The following ARHGEF3 variants were observed in gnomAD, a reference collection of about 807,000 sequenced individuals.
ARHGEF3 encodes 59.8 kDA protein.
In ARHGEF3, 28 loss-of-function variants were observed where a neutral mutation model predicts 63.2. The ratio of observed to expected loss-of-function variants is 0.44; its 90% CI spans 0.33 to 0.61. The LOEUF is 0.61. Ranked by LOEUF, ARHGEF3 falls within the 20% of genes least tolerant of loss-of-function variation. ARHGEF3 has a pLI of 0.03. For synonymous variants in ARHGEF3, 266 were observed against 254.2 expected (o/e 1.05, Z -0.44); for missense variants, 533 against 659.3 (o/e 0.81, Z 2.10).
At chr3:56,873,431 A>C (rs1374034517) in intron 4 of ARHGEF3, among the ~76,000 whole-genome samples, 1 of 151,810 alleles carries the variant, frequency 6.6e-6, no homozygotes, top group Non-Finnish European at 1.5e-5. Context: ...GTTCCCCTCT[A>C]TGTGTCCATG....
chr3:56,835,471 C>G (rs1218757719), intron 4 of ARHGEF3, among the ~76,000 whole-genome samples: 1 of 152,124 alleles, frequency 6.6e-6, no homozygotes, highest in Non-Finnish European at 1.5e-5. Context: ...CCACCATGCC[C>G]AGCCTAACAT....
At chr3:57,028,722 A>T (rs950202331) in intron 2 of ARHGEF3, among the ~76,000 whole-genome samples, 38 of 140,518 alleles carry the variant, frequency 2.7e-4, no homozygotes, top group African/African-American at 1.0e-3. Flanking sequence ...AAATAAAAAA[A>T]AAAGAACCCT....
intron 1 of ARHGEF3, among the ~76,000 whole-genome samples, chr3:57,048,919 G>A (rs534213631): frequency 3.3e-5 from 5 of 152,306 alleles, no homozygotes; most frequent in African/African-American, 7.2e-5. Flanking sequence ...GGCTGAGGAC[G>A]AGGATGTCAG....
Position 56,930,581 on chromosome 3 carries a change from A to G in ARHGEF3, c.129+28242T>C, listed in dbSNP as rs28497152. 5.2e-3 allele frequency among the ~76,000 whole-genome samples: 788 copies of G among 152,324 alleles called. 11 individuals carry two copies. The highest frequency in any genetic ancestry group is 0.018 in the African/African-American group (736 of 41,560). On this transcript the variant is annotated intron_variant, in intron 3 of 12. Coordinates refer to the ARHGEF3 transcript ENST00000338458. ...GATACTTGCATTGTCTTTGCCTCAA[A>G]GTAAGGATTCTTTCCTAATCTTGTT...
chr3:57,030,378 T>C (rs900465642), intron 2 of ARHGEF3, among the ~76,000 whole-genome samples: 5 of 152,044 alleles, frequency 3.3e-5, no homozygotes, highest in Admixed American at 1.3e-4. Flanking sequence ...AAGAGACATA[T>C]ATGTATATAA....
chr3:56,739,496 G>A (rs1234907163), intron 7 of ARHGEF3, among the ~76,000 whole-genome samples: 3 of 150,652 alleles, frequency 2.0e-5, no homozygotes, highest in Admixed American at 2.0e-4. Context: ...TGCCTCTTGG[G>A]CTCAAGTGAT....
chr3:57,046,136 G>C (rs889455265), intron 1 of ARHGEF3, among the ~76,000 whole-genome samples: 6 of 152,150 alleles, frequency 3.9e-5, no homozygotes, highest in Non-Finnish European at 4.4e-5. Context: ...AATCTATGAG[G>C]CTCTAGTTAA....
At chr3:56,767,527 T>TG (rs1434041945) in intron 2 of ARHGEF3, among the ~76,000 whole-genome samples, 1 of 131,820 alleles carries the variant, frequency 7.6e-6, no homozygotes, top group Non-Finnish European at 1.5e-5. Flanking sequence ...GAGCTTGCAG[T>TG]GAGCTGAGAT....
intron 1 of ARHGEF3, among the ~76,000 whole-genome samples, chr3:57,042,210 T>C (rs965390311): frequency 5.3e-5 from 8 of 152,074 alleles, no homozygotes; most frequent in African/African-American, 1.9e-4. Flanking sequence ...ACATACCCTA[T>C]GAAAAACAAC....
chr3:57,003,005 G>A (rs1023851939), intron 2 of ARHGEF3, among the ~76,000 whole-genome samples: 1 of 151,402 alleles, frequency 6.6e-6, no homozygotes, highest in African/African-American at 2.4e-5. Context: ...CTGACCTCAG[G>A]TGATCCCACC....
chr3:56,931,998 C>T (rs544369450), intron 3 of ARHGEF3, among the ~76,000 whole-genome samples: 8 of 152,226 alleles, frequency 5.3e-5, no homozygotes, highest in African/African-American at 1.9e-4. Context: ...GACAAAATTC[C>T]TCCAAGTTCA....
intron 2 of ARHGEF3, among the ~76,000 whole-genome samples, chr3:56,985,803 C>G (rs927349669): frequency 7.4e-6 from 1 of 135,618 alleles, no homozygotes; most frequent in African/African-American, 2.6e-5. Context: ...CAGACTCTAA[C>G]AAATGAGGAT....
intron 1 of ARHGEF3, among the ~76,000 whole-genome samples, chr3:56,783,898 C>T (rs192670283): frequency 9.9e-4 from 150 of 152,270 alleles, no homozygotes; most frequent in African/African-American, 3.3e-3. Context: ...ATAAACAGCC[C>T]TAAAACATTG....
intron 2 of ARHGEF3, among the ~76,000 whole-genome samples, chr3:57,012,584 C>T (rs986137415): frequency 6.6e-6 from 1 of 152,210 alleles, no homozygotes; most frequent in African/African-American, 2.4e-5. Context: ...TCAATTTAAT[C>T]CTCACAACTG....
At chr3:56,874,924 A>G (rs973098114) in intron 4 of ARHGEF3, among the ~76,000 whole-genome samples, 1 of 152,150 alleles carries the variant, frequency 6.6e-6, no homozygotes, top group Non-Finnish European at 1.5e-5. Context: ...GGACCGTACC[A>G]CTGTGAGAAT....
At chr3:56,926,659 G>A (rs1429635851) in intron 3 of ARHGEF3, among the ~76,000 whole-genome samples, 3 of 152,182 alleles carry the variant, frequency 2.0e-5, no homozygotes, top group Non-Finnish European at 2.9e-5. Context: ...ATTACACAGA[G>A]CTCTCACATG....
intron 3 of ARHGEF3, among the ~76,000 whole-genome samples, chr3:56,957,503 C>G (rs1700094060): frequency 6.6e-6 from 1 of 152,164 alleles, no homozygotes; most frequent in South Asian, 2.1e-4. Context: ...CATACATGTG[C>G]TAGGCACTGT....
At chr3:56,915,494 GA>G in intron 3 of ARHGEF3, among the ~76,000 whole-genome samples, 1 of 151,944 alleles carries the variant, frequency 6.6e-6, no homozygotes, top group Non-Finnish European at 1.5e-5. Flanking sequence ...AACAAATAAA[GA>G]ACAGTTTTGG....
At chr3:56,961,963 T>C (rs2106767040) in intron 2 of ARHGEF3, among the ~76,000 whole-genome samples, 1 of 152,296 alleles carries the variant, frequency 6.6e-6, no homozygotes, top group Non-Finnish European at 1.5e-5. Context: ...GAAGATTGCT[T>C]AAGCCCAGAA....
Sources: gnomAD v4.1 joint callset for allele counts (sites outside exome capture counted in the v4.1 genomes callset) on GRCh38, gnomAD v4.1.1 for gene constraint, MANE v1.5 for transcripts, NCBI Gene and HGNC (gene_info 2026-07-23, HGNC 2026-07-21) for gene names.